The following PLSCR2 variants were observed in gnomAD, a reference collection of about 807,000 sequenced individuals.
The protein encoded by PLSCR2 is PL scramblase 2.
PLSCR2 carries 18 observed loss-of-function variants against 25.3 expected under a neutral mutation model. The observed-to-expected ratio is 0.71, with a 90% CI of 0.49 to 1.06. The LOEUF (loss-of-function observed/expected upper bound fraction) is 1.06, where lower values mean the gene tolerates loss of function less well. Among genes scored for constraint, PLSCR2 ranks in the 50% least tolerant of loss-of-function variants. The probability of loss-of-function intolerance (pLI) is 0.00; values close to 1 mark genes in which losing one functional copy is unlikely to be tolerated. For missense variants in PLSCR2, 243 were observed against 269.5 expected (o/e 0.90, Z 0.69); for synonymous variants, 88 against 87.3 (o/e 1.01, Z -0.04).
At chr3:146,466,639 G>A (rs1047830715) in intron 1 of PLSCR2, among the ~76,000 whole-genome samples, 1 of 152,164 alleles carries the variant, frequency 6.6e-6, no homozygotes. Context: ...CTTTATTACT[G>A]CTCAAAAACC....
At chr3:146,460,153 C>T (rs2041481591) in intron 1 of PLSCR2, 70 bp from the exon 2 acceptor site, 2 of 1,374,072 alleles carry the variant, frequency 1.5e-6, no homozygotes, top group Non-Finnish European at 1.9e-6. Flanking sequence ...AGAATAACCC[C>T]AGTTATCTAC....
upstream of PLSCR2, among the ~76,000 whole-genome samples, chr3:146,464,770 A>C (rs2041785955): frequency 6.6e-6 from 1 of 152,198 alleles, no homozygotes; most frequent in Non-Finnish European, 1.5e-5. Context: ...TTTTAAAGTA[A>C]TTATATCAGA....
At chr3:146,410,437 G>T (rs1318319405) in intron 2 of PLSCR2, among the ~76,000 whole-genome samples, 1 of 152,202 alleles carries the variant, frequency 6.6e-6, no homozygotes, top group Admixed American at 6.5e-5. Flanking sequence ...TGTGGGGTAT[G>T]ACAATCTAAA....
intron 2 of PLSCR2, among the ~76,000 whole-genome samples, chr3:146,411,243 A>T (rs1181635444): frequency 6.6e-6 from 1 of 152,146 alleles, no homozygotes; most frequent in Non-Finnish European, 1.5e-5. Context: ...TGTCAGGACC[A>T]CTTCCCACCC....
At chr3:146,474,524 C>T (rs112203671) in intron 1 of PLSCR2, among the ~76,000 whole-genome samples, 6,819 of 152,166 alleles carry the variant, frequency 0.045, 206 homozygotes, top group Admixed American at 0.091. Context: ...ATGGGCTTCC[C>T]GTTGCAGGAG....
At chr3:146,394,475 A>G (rs1046111156) in intron 3 of PLSCR2, among the ~76,000 whole-genome samples, 4 of 152,072 alleles carry the variant, frequency 2.6e-5, no homozygotes, top group Admixed American at 1.3e-4. Flanking sequence ...CATGTTGGTC[A>G]AGCTGGTCTC....
At chr3:146,472,451 T>C (rs1012777704) in intron 1 of PLSCR2, among the ~76,000 whole-genome samples, 2 of 152,216 alleles carry the variant, frequency 1.3e-5, no homozygotes, top group African/African-American at 4.8e-5. Flanking sequence ...AACAGAAAGT[T>C]ATTTCTCATA....
rs189957340 is a variant in PLSCR2 at position 146,406,101 on chromosome 3, T to C, written c.101-10180A>G. ...TGAGTTGAATTAGGGTCATGGAAGTTATAGTAAGAGAATTACAATTTTTTC... is the reference window on the plus strand; with the variant it reads ...TGAGTTGAATTAGGGTCATGGAAGTCATAGTAAGAGAATTACAATTTTTTC... On this transcript the variant is annotated intron_variant and NMD_transcript_variant, in intron 2 of 3. Coordinates refer to the PLSCR2 transcript ENST00000463633. 3.2e-4 allele frequency among the ~76,000 whole-genome samples: 48 copies of C among 152,292 alleles called. 1 individual carries two copies. In the East Asian group the frequency reaches 9.1e-3, roughly 29 times the overall value.
upstream of PLSCR2, chr3:146,463,928 C>T (rs777598091): frequency 4.1e-5 from 40 of 976,182 alleles, no homozygotes; most frequent in Non-Finnish European, 4.6e-5. Context: ...ATTATAGTCA[C>T]CTCTTAGTTA....
chr3:146,483,449 G>GTATATA (rs1397387338), intron 1 of PLSCR2, among the ~76,000 whole-genome samples: 4 of 30,596 alleles, frequency 1.3e-4, no homozygotes, highest in African/African-American at 4.5e-4. Flanking sequence ...ATATACACAT[G>GTATATA]TATGTATATA....
intron 2 of PLSCR2, among the ~76,000 whole-genome samples, chr3:146,401,039 T>C (rs770892367): frequency 1.3e-5 from 2 of 152,020 alleles, no homozygotes; most frequent in Non-Finnish European, 1.5e-5. Context: ...AATATAAATA[T>C]AGAGTTTCTA....
At position 146,469,485 on chromosome 3, in the gene PLSCR2, GC is replaced by G; in HGVS notation, c.-292-9202del. 1.0e-6 allele frequency: 1 copy of G among 980,662 alleles called. No individual in the cohort carries two copies. The highest frequency in any genetic ancestry group is 1.2e-6 in the Non-Finnish European group (1 of 825,640). The allele number at this position is 980,662 out of a possible 1,614,324, so 60.7% of individuals were successfully genotyped here. A position where few individuals can be genotyped will look rare whatever the true frequency, so the allele number is the denominator to read the frequency against. On this transcript the variant is annotated intron_variant, in intron 1 of 8. Transcript: ENST00000336685. ...CCATAGGGAGGCGACTGAGAAAGCC[GC>G]CCCCTTACCCGTGGCTGCAGCTGCT...
intron 1 of PLSCR2, among the ~76,000 whole-genome samples, chr3:146,481,964 C>T (rs886115443): frequency 2.0e-5 from 3 of 152,044 alleles, no homozygotes; most frequent in African/African-American, 7.2e-5. Flanking sequence ...CTGACAAGAA[C>T]AAAAAATGAA....
At chr3:146,493,834 G>T (rs2043648161) in intron 1 of PLSCR2, among the ~76,000 whole-genome samples, 1 of 97,814 alleles carries the variant, frequency 1.0e-5, no homozygotes, top group South Asian at 3.6e-4. Flanking sequence ...TGAGAACATT[G>T]TGTCTCTAAA....
intron 2 of PLSCR2, among the ~76,000 whole-genome samples, chr3:146,414,424 G>A (rs535469491): frequency 1.3e-5 from 2 of 152,252 alleles, no homozygotes; most frequent in African/African-American, 4.8e-5. Flanking sequence ...TGGTGTTTCT[G>A]TAGTAAATGA....
intron 6 of PLSCR2, among the ~76,000 whole-genome samples, chr3:146,446,093 AT>A (rs1421691541): frequency 6.6e-6 from 1 of 152,086 alleles, no homozygotes; most frequent in Non-Finnish European, 1.5e-5. Context: ...CAAAACAACT[AT>A]TTTGAATTCT....
intron 6 of PLSCR2, among the ~76,000 whole-genome samples, chr3:146,448,778 C>T (rs776070971): frequency 6.6e-6 from 1 of 152,088 alleles, no homozygotes; most frequent in Non-Finnish European, 1.5e-5. Context: ...ATAGTTAGCT[C>T]TAGAGGCTTG....
chr3:146,404,121 G>T (rs1046242401), intron 2 of PLSCR2, among the ~76,000 whole-genome samples: 10 of 152,148 alleles, frequency 6.6e-5, no homozygotes, highest in African/African-American at 2.4e-4. Flanking sequence ...GGGACCACAT[G>T]CATCAGGGAT....
At chr3:146,491,921 T>C (rs1019120139) in intron 1 of PLSCR2, among the ~76,000 whole-genome samples, 3 of 152,182 alleles carry the variant, frequency 2.0e-5, no homozygotes, top group African/African-American at 7.2e-5. Flanking sequence ...TTAAGAGTTT[T>C]CAGAGTTCCT....
Sources: gnomAD v4.1 joint callset for allele counts (sites outside exome capture counted in the v4.1 genomes callset) on GRCh38, gnomAD v4.1.1 for gene constraint, MANE v1.5 for transcripts, NCBI Gene and HGNC (gene_info 2026-07-23, HGNC 2026-07-21) for gene names.